DSCAML1: variants seen among roughly 807,000 people sequenced by gnomAD.
DSCAML1 encodes DS cell adhesion molecule like 1.
In DSCAML1, 38 loss-of-function variants were observed where a neutral mutation model predicts 200.5. That is an observed-to-expected ratio of 0.19 (90% CI 0.15 to 0.25). The LOEUF (loss-of-function observed/expected upper bound fraction) is 0.25. DSCAML1 is among the 10% of genes least tolerant of loss of function. The pLI is 1.00. For synonymous variants in DSCAML1, 1,215 were observed against 1,165.0 expected, an observed-to-expected ratio of 1.04 and a Z score of -0.87; for missense variants, 2,223 against 2,858.8, an observed-to-expected ratio of 0.78 and a Z score of 5.07.
chr11:117,624,362 A>C (rs564292884), intron 3 of DSCAML1, among the ~76,000 whole-genome samples: 2 of 152,244 alleles, frequency 1.3e-5, no homozygotes, highest in East Asian at 3.9e-4. Context: ...CTCTTGATAG[A>C]GTAGTGAATG....
intron 3 of DSCAML1, among the ~76,000 whole-genome samples, chr11:117,666,604 C>T (rs1384071327): frequency 6.6e-6 from 1 of 152,172 alleles, no homozygotes; most frequent in Non-Finnish European, 1.5e-5. Flanking sequence ...CTGTGTCCCA[C>T]CCCCAGTTCT....
chr11:117,613,460 A>G (rs1442959920), intron 3 of DSCAML1, among the ~76,000 whole-genome samples: 1 of 152,192 alleles, frequency 6.6e-6, no homozygotes, highest in South Asian at 2.1e-4. Flanking sequence ...CTCCATGCTC[A>G]AAAAACAATA....
chr11:117,546,361 C>G (rs754449475), intron 3 of DSCAML1, among the ~76,000 whole-genome samples: 1 of 152,200 alleles, frequency 6.6e-6, no homozygotes, highest in Non-Finnish European at 1.5e-5. Flanking sequence ...TACCAGTTAA[C>G]GAGTGCACCC....
At position 117,494,226 on chromosome 11, in the gene DSCAML1, A is replaced by T. The variant is rs143929749; in HGVS notation, c.2359+9619T>A. On this transcript the variant is annotated intron_variant, in intron 11 of 32. Coordinates refer to ENST00000651296, the MANE Select transcript of DSCAML1 (RefSeq NM_020693.4). ...TGCTGTGAATACCCTAGAGCTGTAA[A>T]GGGCCTGAAGTAAATATTTTAGGCT... 4.4e-3 allele frequency among the ~76,000 whole-genome samples: 668 copies of T among 152,302 alleles called. 12 individuals carry two copies. Among genetic ancestry groups the T allele is most frequent in the African/African-American group, 0.015 (642 of 41,556 alleles).
chr11:117,581,921 A>G (rs2051046430), intron 3 of DSCAML1, among the ~76,000 whole-genome samples: 3 of 152,032 alleles, frequency 2.0e-5, no homozygotes. Context: ...ATCTCATCCT[A>G]TCTCCTCAAA....
intron 1 of DSCAML1, among the ~76,000 whole-genome samples, chr11:117,807,936 C>G (rs1214133404): frequency 2.0e-5 from 3 of 152,170 alleles, no homozygotes; most frequent in Non-Finnish European, 4.4e-5. Context: ...ATTCTCCCAC[C>G]TCAGCCTCCC....
intron 3 of DSCAML1, among the ~76,000 whole-genome samples, chr11:117,730,237 G>A (rs1006144227): frequency 5.3e-5 from 8 of 152,104 alleles, no homozygotes; most frequent in African/African-American, 1.9e-4. Context: ...AATCAAAATC[G>A]AGAAGGAGCT....
At chr11:117,574,746 C>T (rs549138840) in intron 3 of DSCAML1, among the ~76,000 whole-genome samples, 9 of 152,258 alleles carry the variant, frequency 5.9e-5, no homozygotes, top group East Asian at 3.9e-4. Context: ...GGGCCTGCCA[C>T]GGAACCTCCC....
intron 1 of DSCAML1, among the ~76,000 whole-genome samples, chr11:117,813,091 C>T (rs1316239224): frequency 6.6e-6 from 1 of 152,046 alleles, no homozygotes; most frequent in African/African-American, 2.4e-5. Flanking sequence ...TTTTTTCAGG[C>T]TCTTAGTATT....
At chr11:117,710,882 A>G (rs2053837018) in intron 3 of DSCAML1, among the ~76,000 whole-genome samples, 3 of 152,192 alleles carry the variant, frequency 2.0e-5, no homozygotes, top group African/African-American at 7.2e-5. Context: ...GAAAGAGCAC[A>G]TCGAGCCCTA....
At chr11:117,796,901 C>A in intron 1 of DSCAML1, 133 bp downstream of exon 1, 1 of 549,126 alleles carries the variant, frequency 1.8e-6, no homozygotes, top group Non-Finnish European at 2.7e-6. Context: ...CTCCCCGCTG[C>A]GCCCCACCCG....
intron 3 of DSCAML1, among the ~76,000 whole-genome samples, chr11:117,676,132 T>C (rs1266941185): frequency 1.3e-5 from 2 of 150,236 alleles, no homozygotes; most frequent in Admixed American, 6.6e-5. Context: ...GGCAATATTA[T>C]CACAAATTGG....
At chr11:117,510,436 C>G (rs553326258) in intron 8 of DSCAML1, among the ~76,000 whole-genome samples, 1 of 150,808 alleles carries the variant, frequency 6.6e-6, no homozygotes, top group South Asian at 2.2e-4. Flanking sequence ...TCACTAAAGT[C>G]AGACACTGAT....
chr11:117,500,374 C>T (rs984214930), intron 11 of DSCAML1, among the ~76,000 whole-genome samples: 9 of 152,208 alleles, frequency 5.9e-5, no homozygotes, highest in East Asian at 1.9e-4. Context: ...TCCCTGAGAA[C>T]GGCAGCTCTG....
intron 3 of DSCAML1, among the ~76,000 whole-genome samples, chr11:117,698,999 C>T (rs991260156): frequency 1.6e-4 from 24 of 152,316 alleles, no homozygotes; most frequent in African/African-American, 5.5e-4. Context: ...TGTAATATTA[C>T]CCGGAAGAGG....
chr11:117,584,940 C>T (rs1381667793), intron 3 of DSCAML1, among the ~76,000 whole-genome samples: 2 of 152,194 alleles, frequency 1.3e-5, no homozygotes, highest in Non-Finnish European at 2.9e-5. Context: ...ATACTTGGCA[C>T]AGGACAAGTG....
In DSCAML1 at chr11:117,482,076, G is replaced by T; in HGVS notation, c.2446C>A (p.Arg816=). Reference sequence around the variant, plus strand: ...TTCTCCCAGCGGATGATGATGGGCCGCTCACCCCGTGCCGTGCAGTTTAGC... The same window carrying T: ...TTCTCCCAGCGGATGATGATGGGCCTCTCACCCCGTGCCGTGCAGTTTAGC... ...KELNCTARGE[R]PIIIRWEKGD... Residue 816 remains arginine (R), a synonymous_variant, in exon 12 of 33, where the codon CGG becomes AGG. Coordinates refer to ENST00000651296, the MANE Select transcript of DSCAML1 (RefSeq NM_020693.4). The T allele has an allele frequency of 6.2e-7, 1 of 1,614,182 alleles. No individual in the cohort carries two copies. The highest frequency in any genetic ancestry group is 8.5e-7 in the Non-Finnish European group (1 of 1,179,996).
At chr11:117,459,658 A>G (rs1291461163) in intron 18 of DSCAML1, among the ~76,000 whole-genome samples, 1 of 152,242 alleles carries the variant, frequency 6.6e-6, no homozygotes, top group Non-Finnish European at 1.5e-5. Context: ...AGAGGAGCTT[A>G]GGGAGAGAGT....
chr11:117,616,899 A>G (rs139686731), intron 3 of DSCAML1, among the ~76,000 whole-genome samples: 1 of 152,384 alleles, frequency 6.6e-6, no homozygotes, highest in Non-Finnish European at 1.5e-5. Context: ...GACTTATGTT[A>G]TGGAACTTTC....
Sources: gnomAD v4.1 joint callset for allele counts (sites outside exome capture counted in the v4.1 genomes callset) on GRCh38, gnomAD v4.1.1 for gene constraint, MANE v1.5 for transcripts, NCBI Gene and HGNC (gene_info 2026-07-23, HGNC 2026-07-21) for gene names.